Variants in PWWP2B observed in about 807,000 individuals in gnomAD.
The protein encoded by PWWP2B is PWWP domain-containing protein 2B.
In PWWP2B, 9 loss-of-function variants were observed where a neutral mutation model predicts 15.5. That is an observed-to-expected ratio of 0.58 (90% CI 0.35 to 1.02). The LOEUF (loss-of-function observed/expected upper bound fraction) is 1.02. Among genes scored for constraint, PWWP2B ranks in the 50% least tolerant of loss-of-function variants. The pLI, the probability that PWWP2B is intolerant of heterozygous loss-of-function variation, is 0.02. For missense variants in PWWP2B, 864 were observed against 865.3 expected, an observed-to-expected ratio of 1.00 and a Z score of 0.02; for synonymous variants, 474 against 403.6, an observed-to-expected ratio of 1.17 and a Z score of -2.09.
At position 132,406,305 on chromosome 10, in the gene PWWP2B, G is replaced by T; in HGVS notation, c.*16+16G>T. ...CCCTGACCAGGTGAGTGTGCCAGCG[G>T]CAGCCTCCTTCCCCCCAGCGGCCCA... On this transcript the variant is annotated intron_variant, in intron 2 of 2. Transcript: ENST00000305233. 1 of 1,577,486 alleles carries T rather than the reference G, an allele frequency of 6.3e-7. No individual in the cohort carries two copies. The highest frequency in any genetic ancestry group is 1.2e-5 in the South Asian group (1 of 86,644).
intron 2 of PWWP2B, among the ~76,000 whole-genome samples, chr10:132,407,146 G>A (rs1345259836): frequency 2.0e-5 from 3 of 152,156 alleles, no homozygotes. Context: ...CTGCCGAGGG[G>A]CTGTTTTCTG....
At chr10:132,412,351 G>T (rs2069792206) in intron 2 of PWWP2B, among the ~76,000 whole-genome samples, 2 of 152,244 alleles carry the variant, frequency 1.3e-5, no homozygotes, top group Admixed American at 1.3e-4. Context: ...CCAAATCCTT[G>T]CCCCTGACCC....
chr10:132,414,715 G>A (rs1159708414), intron 2 of PWWP2B, among the ~76,000 whole-genome samples: 1 of 152,260 alleles, frequency 6.6e-6, no homozygotes, highest in African/African-American at 2.4e-5. Flanking sequence ...GAATGCGTTT[G>A]TGTGACCGGC....
chr10:132,404,044 C>CGGCATTCTCCAGGGCTCCTGT (rs2069647976), intron 1 of PWWP2B, among the ~76,000 whole-genome samples: 1 of 67,094 alleles, frequency 1.5e-5, no homozygotes, highest in African/African-American at 8.0e-5. Flanking sequence ...AGGGCTCCTG[C>CGGCATTCTCCAGGGCTCCTGT]AGGACGGCAT....
At chr10:132,398,675 T>C (rs1356461679) in intron 1 of PWWP2B, among the ~76,000 whole-genome samples, 2 of 151,620 alleles carry the variant, frequency 1.3e-5, no homozygotes, top group Non-Finnish European at 2.9e-5. Context: ...TAACCTGGTT[T>C]GCAAATCTAC....
chr10:132,407,829 G>A (rs2069720451), intron 2 of PWWP2B, among the ~76,000 whole-genome samples: 1 of 152,226 alleles, frequency 6.6e-6, no homozygotes, highest in Admixed American at 6.5e-5. Flanking sequence ...AGTGTCTCAA[G>A]CCAGGGCACC....
At chr10:132,410,249 G>C (rs2069759695) in intron 2 of PWWP2B, among the ~76,000 whole-genome samples, 1 of 152,192 alleles carries the variant, frequency 6.6e-6, no homozygotes, top group African/African-American at 2.4e-5. Flanking sequence ...TTCTCGGGAG[G>C]TGCCTGAGGC....
chr10:132,400,097 G>A (rs2069596185), intron 1 of PWWP2B, among the ~76,000 whole-genome samples: 1 of 152,210 alleles, frequency 6.6e-6, no homozygotes, highest in African/African-American at 2.4e-5. Flanking sequence ...CTGTCCAGGT[G>A]GAGGCTGCAC....
intron 1 of PWWP2B, among the ~76,000 whole-genome samples, chr10:132,403,992 T>TAGGATGGCATTCTCCAGGGCTCCTGC (rs2069645830): frequency 9.0e-6 from 1 of 110,760 alleles, no homozygotes; most frequent in Non-Finnish European, 2.1e-5. Context: ...CCTGCTCCCG[T>TAGGATGGCATTCTCCAGGGCTCCTGC]AGGACGGCAT....
chr10:132,402,037 C>T (rs564229369), intron 1 of PWWP2B, among the ~76,000 whole-genome samples: 6 of 152,358 alleles, frequency 3.9e-5, no homozygotes, highest in Admixed American at 1.3e-4. Flanking sequence ...CCAGGGTCAC[C>T]GGCCGTTTTT....
At chr10:132,407,359 G>A (rs750052300) in intron 2 of PWWP2B, among the ~76,000 whole-genome samples, 4 of 152,228 alleles carry the variant, frequency 2.6e-5, no homozygotes, top group South Asian at 2.1e-4. Context: ...GCCAGGGGCT[G>A]TACGCAGAGG....
chr10:132,407,089 G>C (rs1442670738), intron 2 of PWWP2B, among the ~76,000 whole-genome samples: 1 of 152,142 alleles, frequency 6.6e-6, no homozygotes, highest in African/African-American at 2.4e-5. Flanking sequence ...TGTGGGGCTG[G>C]GGGCACCACC....
At chr10:132,416,794 G>T (rs979500728) in intron 2 of PWWP2B, among the ~76,000 whole-genome samples, 2 of 152,032 alleles carry the variant, frequency 1.3e-5, no homozygotes, top group Non-Finnish European at 2.9e-5. Context: ...TGGCTTCTCC[G>T]TGGCCCTGCG....
At position 132,404,672 on chromosome 10, in the gene PWWP2B, G is replaced by T. The variant is rs765347010; in HGVS notation, c.172G>T (p.Asp58Tyr). 3 of 1,612,694 alleles carry T rather than the reference G, an allele frequency of 1.9e-6. No homozygotes were observed. Among genetic ancestry groups the T allele is most frequent in the Middle Eastern group, 1.7e-4 (1 of 6,056 alleles). ...LPPLAPLPQV[D>Y]ESPVNDSHGR... ...CCCGTTGGCTCCGCTGCCCCAGGTC[G>T]ATGAGTCCCCTGTCAACGACAGCCA... The change falls in exon 2 of 3, where the codon GAT becomes TAT. Residue 58 changes from aspartate (D) to tyrosine (Y), a missense_variant. Coordinates refer to ENST00000305233, the MANE Select transcript of PWWP2B (RefSeq NM_138499.4).
chr10:132,398,201 G>A (rs1718486169), intron 1 of PWWP2B, among the ~76,000 whole-genome samples: 1 of 152,266 alleles, frequency 6.6e-6, no homozygotes, highest in Admixed American at 6.5e-5. Context: ...CATCCGTGGA[G>A]CCCAGATTTT....
intron 1 of PWWP2B, among the ~76,000 whole-genome samples, chr10:132,398,636 C>A (rs958171513): frequency 6.6e-6 from 1 of 152,248 alleles, no homozygotes; most frequent in Non-Finnish European, 1.5e-5. Flanking sequence ...CTGCAGTGGC[C>A]TCGGGCTCTC....
intron 2 of PWWP2B, among the ~76,000 whole-genome samples, chr10:132,410,496 G>T (rs2133161693): frequency 6.6e-6 from 1 of 152,312 alleles, no homozygotes; most frequent in East Asian, 1.9e-4. Context: ...GGTGGCACTG[G>T]CCAGCCGTGT....
At position 132,405,171 on chromosome 10, in the gene PWWP2B, C is replaced by T. The variant is rs1219418441; in HGVS notation, c.671C>T (p.Thr224Met). The change falls in exon 2 of 3, where the codon ACG becomes ATG. Residue 224 changes from threonine to methionine, a missense_variant. Coordinates refer to ENST00000305233, the MANE Select transcript of PWWP2B (RefSeq NM_138499.4). The stretch of plus-strand genomic sequence containing the variant: ...GAGGAGCCGGAGAACGGCGAGCCCA[C>T]GGCTGCGGCCACCGCCAGGAGGAGC... The part of the protein sequence containing the change: ...KPEEPENGEP[T>M]AAATARRSKR... 10 of 1,552,678 alleles carry T rather than the reference C, an allele frequency of 6.4e-6. No individual in the cohort carries two copies. The highest frequency in any genetic ancestry group is 1.9e-5 in the Admixed American group (1 of 51,642).
intron 2 of PWWP2B, among the ~76,000 whole-genome samples, chr10:132,416,392 T>C (rs2069856886): frequency 6.6e-6 from 1 of 151,932 alleles, no homozygotes. Flanking sequence ...AGGGGGCTGC[T>C]CTCTTCAGGG....
Sources: allele counts gnomAD v4.1 joint callset (sites outside exome capture counted in the v4.1 genomes callset), GRCh38; gene constraint gnomAD v4.1.1; transcripts MANE v1.5; gene names NCBI Gene and HGNC (gene_info 2026-07-23, HGNC 2026-07-21).